LRP1B: variants seen among roughly 807,000 people sequenced by gnomAD.
The protein encoded by LRP1B is LDL receptor related protein 1B, also known as low-density lipoprotein receptor-related protein 1B.
Under a neutral mutation model 556.6 loss-of-function variants are expected in LRP1B, and 217 were observed. The observed-to-expected ratio is 0.39, with a 90% confidence interval of 0.35 to 0.44. The LOEUF (loss-of-function observed/expected upper bound fraction) is 0.44. Among genes scored for constraint, LRP1B ranks in the 20% least tolerant of loss-of-function variants. The probability of loss-of-function intolerance (pLI) is 1.00; values close to 1 mark genes in which losing one functional copy is unlikely to be tolerated. For missense variants in LRP1B, 5,053 were observed against 5,620.8 expected (o/e 0.90, Z 3.23); for synonymous variants, 2,047 against 1,865.8 (o/e 1.10, Z -2.50).
At chr2:141,462,163 C>CAT (rs536719765) in intron 3 of LRP1B, among the ~76,000 whole-genome samples, 76 of 152,230 alleles carry the variant, frequency 5.0e-4, no homozygotes, top group Middle Eastern at 3.4e-3. Flanking sequence ...ATCATCCATC[C>CAT]ATATATATTT....
At chr2:141,070,937 C>T (rs1251366473) in intron 7 of LRP1B, among the ~76,000 whole-genome samples, 2 of 152,154 alleles carry the variant, frequency 1.3e-5, no homozygotes, top group Non-Finnish European at 2.9e-5. Flanking sequence ...CAAGGAGAAA[C>T]TGGTACCATT....
At chr2:141,356,985 C>T (rs1688649579) in intron 3 of LRP1B, among the ~76,000 whole-genome samples, 1 of 152,072 alleles carries the variant, frequency 6.6e-6, no homozygotes, top group Non-Finnish European at 1.5e-5. Flanking sequence ...GCCCAATCAA[C>T]AACAAATAGT....
Position 140,850,230 on chromosome 2 carries a change from T to C in LRP1B, c.4811A>G (p.Asp1604Gly). 1 of 1,613,024 alleles carries C rather than the reference T, an allele frequency of 6.2e-7. No individual in the cohort carries two copies. Among genetic ancestry groups the C allele is most frequent in the Non-Finnish European group, 8.5e-7 (1 of 1,179,054 alleles). The change falls in exon 29 of 91, where the codon GAT (aspartate) becomes GGT (glycine). Residue 1604 changes from aspartate to glycine, a missense_variant. By Grantham distance (94) the Asp-to-Gly change is moderately conservative. This residue lies in a region of LRP1B where 3,619 missense variants were observed against 3,931.9 expected (regional missense o/e 0.92). Transcript: ENST00000389484. ...GTCTATCACAGTAACGTCATCAATA[T>C]CAGGGACTGTAAATGCCGTGATGAA... Reference protein sequence around the residue: ...FNFITAFTVPDIDDVTVIDFD... With the variant: ...FNFITAFTVPGIDDVTVIDFD...
chr2:140,552,924 G>C (rs1226082745), intron 43 of LRP1B, among the ~76,000 whole-genome samples: 2 of 151,970 alleles, frequency 1.3e-5, no homozygotes, highest in Admixed American at 6.6e-5. Context: ...CATGCCCTTT[G>C]CATCTTGGAA....
chr2:142,130,968 C>A lies in LRP1B; in HGVS notation c.-239G>T. On this transcript the variant is annotated 5_prime_UTR_variant, in exon 1 of 91. Coordinates refer to ENST00000389484, the MANE Select transcript of LRP1B (RefSeq NM_018557.3). ...AGAGAGGAGGCAGAGCGTGTGTGAGCGCGAGCGAGACGCCCGTGTGTCTTG... is the reference window on the plus strand; with the variant it reads ...AGAGAGGAGGCAGAGCGTGTGTGAGAGCGAGCGAGACGCCCGTGTGTCTTG... The A allele has an allele frequency of 5.2e-6, 3 of 572,090 alleles. No individual in the cohort carries two copies. The highest frequency in any genetic ancestry group is 6.3e-6 in the Non-Finnish European group (2 of 318,038). The allele number at this position is 572,090 out of a possible 1,614,324, so 35.4% of individuals were successfully genotyped here.
intron 71 of LRP1B, among the ~76,000 whole-genome samples, chr2:140,365,599 T>G (rs1032766575): frequency 2.6e-5 from 4 of 151,630 alleles, no homozygotes; most frequent in African/African-American, 9.7e-5. Flanking sequence ...TATTAATATC[T>G]CTGGGACTCA....
At chr2:140,407,978 C>G (rs150628830) in intron 66 of LRP1B, among the ~76,000 whole-genome samples, 2,091 of 151,978 alleles carry the variant, frequency 0.014, 48 homozygotes, top group Non-Finnish European at 0.015. Context: ...CATATATATA[C>G]CATGGAATAC....
chr2:141,948,231 G>A (rs1701010391), intron 1 of LRP1B, among the ~76,000 whole-genome samples: 1 of 151,844 alleles, frequency 6.6e-6, no homozygotes, highest in Non-Finnish European at 1.5e-5. Flanking sequence ...CCCAGGAGGT[G>A]GAGGTTGCAG....
chr2:140,607,587 T>C (rs62172828), intron 41 of LRP1B, among the ~76,000 whole-genome samples: 8,428 of 151,772 alleles, frequency 0.056, 353 homozygotes, highest in Non-Finnish European at 0.089. Context: ...TTCAACAATA[T>C]AAAAACTGAA....
At chr2:140,289,825 C>T (rs1324929934) in intron 84 of LRP1B, among the ~76,000 whole-genome samples, 1 of 151,970 alleles carries the variant, frequency 6.6e-6, no homozygotes, top group Non-Finnish European at 1.5e-5. Context: ...ATTCCCTTCA[C>T]ATTGATTAAA....
chr2:141,923,439 T>TAC (rs1300538063), intron 1 of LRP1B, among the ~76,000 whole-genome samples: 1 of 53,120 alleles, frequency 1.9e-5, no homozygotes, highest in Non-Finnish European at 3.8e-5. Flanking sequence ...AAAGAGATTA[T>TAC]ATATATATGT....
chr2:141,836,570 G>A (rs1221509034), intron 1 of LRP1B, among the ~76,000 whole-genome samples: 1 of 151,918 alleles, frequency 6.6e-6, no homozygotes, highest in East Asian at 1.9e-4. Context: ...GTCACTTGAT[G>A]GAAGCTGGGG....
chr2:141,652,492 C>T (rs1198412664), intron 2 of LRP1B, among the ~76,000 whole-genome samples: 1 of 152,098 alleles, frequency 6.6e-6, no homozygotes, highest in African/African-American at 2.4e-5. Flanking sequence ...GTCTTTTTAG[C>T]AACATTGACA....
chr2:140,973,187 T>C (rs1696488652), intron 18 of LRP1B, among the ~76,000 whole-genome samples: 1 of 150,552 alleles, frequency 6.6e-6, no homozygotes, highest in South Asian at 2.1e-4. Flanking sequence ...GGTAGAAGAG[T>C]AGTTGATTCA....
intron 1 of LRP1B, among the ~76,000 whole-genome samples, chr2:142,119,425 T>C (rs188627273): frequency 1.3e-3 from 192 of 152,286 alleles, no homozygotes; most frequent in Non-Finnish European, 2.4e-3. Context: ...AAAAACAAAC[T>C]GAGTGAGATA....
At chr2:141,944,981 A>C (rs1008258173) in intron 1 of LRP1B, among the ~76,000 whole-genome samples, 1 of 152,136 alleles carries the variant, frequency 6.6e-6, no homozygotes, top group African/African-American at 2.4e-5. Flanking sequence ...TTTCAGATTA[A>C]TTTTTATTGG....
intron 3 of LRP1B, among the ~76,000 whole-genome samples, chr2:141,468,118 T>C (rs1682315192): frequency 6.6e-6 from 1 of 152,170 alleles, no homozygotes; most frequent in Admixed American, 6.5e-5. Flanking sequence ...CACATCAAAA[T>C]GTAAGTTATA....
At chr2:141,045,322 A>G (rs527934472) in intron 11 of LRP1B, among the ~76,000 whole-genome samples, 2 of 150,722 alleles carry the variant, frequency 1.3e-5, no homozygotes, top group Non-Finnish European at 3.0e-5. Flanking sequence ...CTAATGCTAG[A>G]TGACGAGATA....
rs772472942 is a variant in LRP1B at position 141,517,029 on chromosome 2, A to AAAAAAAACAAAAAAAC, written c.206-36497_206-36496insGTTTTTTTGTTTTTTT. On this transcript the variant is annotated intron_variant, in intron 2 of 90. Coordinates refer to ENST00000389484, the MANE Select transcript of LRP1B (RefSeq NM_018557.3). ...TAAAAAAAAAAAAAAAAAAAAAAAAAAAAGTAAATCAATGAAATAATTTAA... is the reference window on the plus strand; with the variant it reads ...TAAAAAAAAAAAAAAAAAAAAAAAAAAAAAAAACAAAAAAACAAAGTAAATCAATGAAATAATTTAA... Among the ~76,000 whole-genome samples, 14 of 90,176 alleles carry AAAAAAAACAAAAAAAC rather than the reference A, an allele frequency of 1.6e-4. 1 individual carries two copies. Among genetic ancestry groups the AAAAAAAACAAAAAAAC allele is most frequent in the African/African-American group, 1.9e-4 (5 of 26,214 alleles). 59.2% of individuals were successfully genotyped at this position (90,176 alleles called of 152,430 possible). A position where few individuals can be genotyped will look rare whatever the true frequency, so the allele number is the denominator to read the frequency against.
Sources: gnomAD v4.1 joint callset for allele counts (sites outside exome capture counted in the v4.1 genomes callset) on GRCh38, gnomAD v4.1.1 for gene constraint, gnomAD v4.1.1 regional missense constraint, MANE v1.5 for transcripts, NCBI Gene and HGNC (gene_info 2026-07-23, HGNC 2026-07-21) for gene names.